Variants in CFAP299 observed in about 807,000 individuals in gnomAD.
CFAP299 encodes the protein cilia- and flagella-associated protein 299.
A neutral mutation model predicts 27.0 loss-of-function variants in CFAP299; 21 were observed. The ratio of observed to expected loss-of-function variants is 0.78; its 90% CI spans 0.55 to 1.12. The LOEUF (loss-of-function observed/expected upper bound fraction) is 1.12. CFAP299 is among the 50% of genes most tolerant of loss of function. CFAP299 has a pLI of 0.00. For missense variants in CFAP299, 310 were observed against 276.6 expected, an observed-to-expected ratio of 1.12 and a Z score of -0.86; for synonymous variants, 104 against 98.1, an observed-to-expected ratio of 1.06 and a Z score of -0.36.
rs902591109 is a variant in CFAP299 at position 80,522,949 on chromosome 4, C to T, written c.243-60144C>T. Reference sequence around the variant, plus strand: ...GAAGTATGATACCTCTAGATTTGTTCTTCTTTCTCAAGGTTGTTTGAACTA... The same window carrying T: ...GAAGTATGATACCTCTAGATTTGTTTTTCTTTCTCAAGGTTGTTTGAACTA... On this transcript the variant is annotated intron_variant, in intron 2 of 5. Transcript: ENST00000358105. Among the ~76,000 whole-genome samples, 4 of 151,886 alleles carry T rather than the reference C, an allele frequency of 2.6e-5. No homozygotes were observed. The East Asian group carries it at 5.8e-4, about 22-fold the overall frequency.
intron 3 of CFAP299, among the ~76,000 whole-genome samples, chr4:80,837,862 G>A (rs1484054819): frequency 6.6e-6 from 1 of 152,112 alleles, no homozygotes; most frequent in African/African-American, 2.4e-5. Context: ...TTCCACAATG[G>A]TTAAACTAAT....
intron 2 of CFAP299, chr4:80,388,774 T>C (rs972188414): frequency 2.8e-5 from 14 of 496,488 alleles, no homozygotes; most frequent in African/African-American, 2.6e-4. Context: ...AGGTAGGGTT[T>C]CTATGCTGTT....
intron 3 of CFAP299, among the ~76,000 whole-genome samples, chr4:80,716,088 G>A (rs1297477903): frequency 6.6e-6 from 1 of 151,988 alleles, no homozygotes; most frequent in Non-Finnish European, 1.5e-5. Context: ...TTACCTAAAA[G>A]CTATAAACCC....
intron 2 of CFAP299, among the ~76,000 whole-genome samples, chr4:80,366,627 G>A (rs996705132): frequency 6.6e-6 from 1 of 152,200 alleles, no homozygotes; most frequent in Admixed American, 6.5e-5. Flanking sequence ...TTGTTGGTGG[G>A]AATGGAAAAT....
At chr4:80,615,917 A>G (rs1334112123) in intron 3 of CFAP299, among the ~76,000 whole-genome samples, 1 of 152,138 alleles carries the variant, frequency 6.6e-6, no homozygotes, top group African/African-American at 2.4e-5. Flanking sequence ...TATACCTTGC[A>G]GGGGCAGTCA....
intron 3 of CFAP299, among the ~76,000 whole-genome samples, chr4:80,805,236 TA>T (rs1456326233): frequency 3.5e-4 from 53 of 152,130 alleles, no homozygotes; most frequent in African/African-American, 1.2e-3. Context: ...CTATTATAAA[TA>T]ATATTGAGAG....
At chr4:80,367,248 A>G (rs957903814) in intron 2 of CFAP299, among the ~76,000 whole-genome samples, 3 of 152,200 alleles carry the variant, frequency 2.0e-5, no homozygotes, top group African/African-American at 7.2e-5. Context: ...AAGATGATAA[A>G]TGCAATCGTA....
At chr4:80,905,954 A>T (rs1735162392) in intron 4 of CFAP299, among the ~76,000 whole-genome samples, 1 of 152,126 alleles carries the variant, frequency 6.6e-6, no homozygotes, top group Non-Finnish European at 1.5e-5. Flanking sequence ...AAACACAATC[A>T]TGCCTTTCCA....
chr4:80,699,674 C>T (rs941101471), intron 3 of CFAP299, among the ~76,000 whole-genome samples: 13 of 152,164 alleles, frequency 8.5e-5, no homozygotes, highest in African/African-American at 2.4e-4. Flanking sequence ...TAGATCAAGT[C>T]ATTTGTGAGC....
intron 3 of CFAP299, among the ~76,000 whole-genome samples, chr4:80,711,097 G>A (rs1293250009): frequency 6.6e-6 from 1 of 152,202 alleles, no homozygotes; most frequent in Non-Finnish European, 1.5e-5. Context: ...CACTACACAG[G>A]CACACTTGTG....
At chr4:80,823,097 A>G (rs1466103468) in intron 3 of CFAP299, among the ~76,000 whole-genome samples, 2 of 152,196 alleles carry the variant, frequency 1.3e-5, no homozygotes, top group African/African-American at 2.4e-5. Flanking sequence ...TTTGTCTTAA[A>G]GAATTCCACC....
intron 4 of CFAP299, among the ~76,000 whole-genome samples, chr4:80,926,091 A>G (rs1176404844): frequency 6.6e-6 from 1 of 152,090 alleles, no homozygotes; most frequent in Admixed American, 6.6e-5. Context: ...TAGATGAAAA[A>G]CAATGCAATG....
intron 2 of CFAP299, among the ~76,000 whole-genome samples, chr4:80,405,148 G>T (rs1726351932): frequency 6.6e-6 from 1 of 152,018 alleles, no homozygotes; most frequent in African/African-American, 2.4e-5. Context: ...TCATTTCTTT[G>T]CACCTGAGCT....
intron 3 of CFAP299, among the ~76,000 whole-genome samples, chr4:80,596,342 G>T (rs1305008660): frequency 6.6e-6 from 1 of 152,120 alleles, no homozygotes; most frequent in African/African-American, 2.4e-5. Context: ...TTGCATTTCA[G>T]CAAGTTCTAA....
At chr4:80,783,196 G>A (rs1404259497) in intron 3 of CFAP299, among the ~76,000 whole-genome samples, 2 of 152,124 alleles carry the variant, frequency 1.3e-5, no homozygotes, top group Non-Finnish European at 2.9e-5. Flanking sequence ...CTTCTAAGAT[G>A]AAAGAGTGGT....
intron 3 of CFAP299, among the ~76,000 whole-genome samples, chr4:80,844,522 T>G: frequency 6.6e-6 from 1 of 152,252 alleles, no homozygotes; most frequent in Non-Finnish European, 1.5e-5. Context: ...GAGCATTTTT[T>G]CATGTGCCTT....
chr4:80,588,356 T>C (rs1736553079), intron 3 of CFAP299, among the ~76,000 whole-genome samples: 1 of 150,836 alleles, frequency 6.6e-6, no homozygotes, highest in Admixed American at 6.6e-5. Flanking sequence ...TGCAGTGCTC[T>C]AGAACTACAG....
intron 4 of CFAP299, among the ~76,000 whole-genome samples, chr4:80,913,767 G>A (rs1457538103): frequency 5.3e-5 from 8 of 152,160 alleles, no homozygotes; most frequent in Non-Finnish European, 1.2e-4. Flanking sequence ...TTTGGCTAAT[G>A]TGTACAGTAA....
chr4:80,402,880 A>G (rs759792731), intron 2 of CFAP299, among the ~76,000 whole-genome samples: 12 of 152,206 alleles, frequency 7.9e-5, no homozygotes, highest in Non-Finnish European at 1.3e-4. Flanking sequence ...ATAAGCACTG[A>G]GTACCACCTG....
Sources: allele counts gnomAD v4.1 joint callset (sites outside exome capture counted in the v4.1 genomes callset), GRCh38; gene constraint gnomAD v4.1.1; transcripts MANE v1.5; gene names NCBI Gene and HGNC (gene_info 2026-07-23, HGNC 2026-07-21).